Variants in STAT4 observed in about 807,000 individuals in gnomAD.
The protein encoded by STAT4 is signal transducer and activator of transcription 4.
A neutral mutation model predicts 110.5 loss-of-function variants in STAT4; 42 were observed. That is an observed-to-expected ratio of 0.38 (90% CI 0.30 to 0.49). STAT4 has a LOEUF of 0.49. STAT4 is among the 20% of genes least tolerant of loss of function. STAT4 has a pLI of 0.95. For synonymous variants in STAT4, 284 were observed against 302.2 expected (o/e 0.94, Z 0.63); for missense variants, 632 against 887.9 (o/e 0.71, Z 3.66).
At chr2:191,075,807 AT>A (rs1379494287) in intron 4 of STAT4, among the ~76,000 whole-genome samples, 3 of 148,746 alleles carry the variant, frequency 2.0e-5, no homozygotes, top group Admixed American at 2.0e-4. Flanking sequence ...GCTGGAAAAG[AT>A]TCTTTAAAAA....
chr2:191,065,444 A>C (rs1206942055), intron 7 of STAT4, among the ~76,000 whole-genome samples: 1 of 152,218 alleles, frequency 6.6e-6, no homozygotes, highest in East Asian at 1.9e-4. Context: ...GTTAGAAGAT[A>C]TGAATTTCTG....
At chr2:191,148,250 G>C in intron 1 of STAT4, 46 bp from the exon 2 acceptor site, 2 of 1,578,710 alleles carry the variant, frequency 1.3e-6, no homozygotes, top group Non-Finnish European at 1.7e-6. Flanking sequence ...ATTGTTCATA[G>C]CCCTAGTACA....
Position 191,051,267 on chromosome 2 carries a change from G to A in STAT4, c.1251+3223C>T, listed in dbSNP as rs1172385653. Among the ~76,000 whole-genome samples the A allele has an allele frequency of 6.6e-6, 1 of 152,178 alleles. No homozygotes were observed. On this transcript the variant is annotated intron_variant, in intron 14 of 23. Transcript: ENST00000392320. The surrounding 1 kb of genome is among the most constrained non-coding windows in gnomAD (Gnocchi z 5.6). The stretch of plus-strand genomic sequence containing the variant: ...GCAGTTGTCTGAAGTTAGGTATCAC[G>A]TTTTAGAGCCCAGTTTTCCCATCTG...
intron 3 of STAT4, among the ~76,000 whole-genome samples, chr2:191,139,243 G>C (rs1392205339): frequency 6.6e-6 from 1 of 151,526 alleles, no homozygotes; most frequent in Non-Finnish European, 1.5e-5. Context: ...TGGAAGTCCT[G>C]GCCAGAGCAA....
At position 191,031,656 on chromosome 2, in the gene STAT4, T is replaced by C; in HGVS notation, c.2045-140A>G. The C allele has an allele frequency of 1.5e-6, 1 of 660,810 alleles. No individual in the cohort carries two copies. Among genetic ancestry groups the C allele is most frequent in the Non-Finnish European group, 2.6e-6 (1 of 383,860 alleles). The allele number at this position is 660,810 out of a possible 1,614,324, so 40.9% of individuals were successfully genotyped here. On this transcript the variant is annotated intron_variant, in intron 21 of 23. Coordinates refer to ENST00000392320, the MANE Select transcript of STAT4 (RefSeq NM_003151.4). This position sits in a 1 kb window ranked among gnomAD's most constrained non-coding sequence, Gnocchi z 4.8. ...AGTTGTTCGGTGATACACAGAAATG[T>C]TTTGTTAAATAGGGGACACAATCTT...
chr2:191,047,347 G>A (rs1203631321), intron 14 of STAT4, among the ~76,000 whole-genome samples: 1 of 152,212 alleles, frequency 6.6e-6, no homozygotes, highest in East Asian at 1.9e-4. Context: ...AACCTGAGGA[G>A]GGAATTGTGG....
intron 3 of STAT4, among the ~76,000 whole-genome samples, chr2:191,088,570 G>T (rs1259657494): frequency 6.6e-6 from 1 of 152,054 alleles, no homozygotes; most frequent in Non-Finnish European, 1.5e-5. Context: ...TTATTTTCTG[G>T]ATAATGACTA....
In STAT4 at chr2:191,048,818, A is replaced by G. The variant is rs866407313; in HGVS notation, c.1251+5672T>C. Among the ~76,000 whole-genome samples the G allele has an allele frequency of 3.6e-3, 411 of 114,700 alleles. 3 individuals are homozygous for G. Among genetic ancestry groups the G allele is most frequent in the Middle Eastern group, 0.02 (4 of 198 alleles). 75.2% of individuals were successfully genotyped at this position (114,700 alleles called of 152,430 possible). The stretch of plus-strand genomic sequence containing the variant: ...AAAAAAAAAAAAAAAAAAAAAAAAA[A>G]GATGCACCATTAATGTTTGTATCAA... On this transcript the variant is annotated intron_variant, in intron 14 of 23. Transcript: ENST00000392320.
chr2:191,144,959 A>G lies in STAT4; in HGVS notation c.273+1654T>C, dbSNP rs1477522982. The stretch of plus-strand genomic sequence containing the variant: ...TTTTAACCCAGACCTTCTTGGTTCC[A>G]AAGACCATGCATCATCTATTAATAT... On this transcript the variant is annotated intron_variant, in intron 3 of 23. Coordinates refer to ENST00000392320, the MANE Select transcript of STAT4 (RefSeq NM_003151.4). This position sits in a 1 kb window ranked among gnomAD's most constrained non-coding sequence, Gnocchi z 4.7. Among the ~76,000 whole-genome samples the G allele has an allele frequency of 6.6e-6, 1 of 152,208 alleles. No individual in the cohort carries two copies. The highest frequency in any genetic ancestry group is 1.5e-5 in the Non-Finnish European group (1 of 68,038).
intron 3 of STAT4, among the ~76,000 whole-genome samples, chr2:191,136,388 G>C (rs1270964321): frequency 6.6e-6 from 1 of 152,196 alleles, no homozygotes; most frequent in East Asian, 1.9e-4. Flanking sequence ...ATATTGCTGG[G>C]AGTCATAGCC....
At position 191,107,426 on chromosome 2, in the gene STAT4, G is replaced by A. The variant is rs1360170097; in HGVS notation, c.274-31101C>T. ...AAGCCCTTAATTGAATTGTCATTTG[G>A]TCCCCACAACAGCCCTATAGTAATG... On this transcript the variant is annotated intron_variant, in intron 3 of 23. Coordinates refer to ENST00000392320, the MANE Select transcript of STAT4 (RefSeq NM_003151.4). The surrounding 1 kb of genome is among the most constrained non-coding windows in gnomAD (Gnocchi z 4.2). Among the ~76,000 whole-genome samples, 1 of 152,058 alleles carries A rather than the reference G, an allele frequency of 6.6e-6. No homozygotes were observed. Among genetic ancestry groups the A allele is most frequent in the Non-Finnish European group, 1.5e-5 (1 of 68,006 alleles).
chr2:191,098,465 G>T (rs1480586818), intron 3 of STAT4, among the ~76,000 whole-genome samples: 2 of 152,168 alleles, frequency 1.3e-5, no homozygotes, highest in Non-Finnish European at 2.9e-5. Context: ...CCTTTGCAGG[G>T]ACATGGATGA....
At chr2:191,047,050 G>A (rs959841002) in intron 14 of STAT4, among the ~76,000 whole-genome samples, 8 of 152,118 alleles carry the variant, frequency 5.3e-5, no homozygotes, top group African/African-American at 1.7e-4. Flanking sequence ...ACCTACAATG[G>A]CAAAGGTGAT....
At position 191,116,725 on chromosome 2, in the gene STAT4, G is replaced by C. The variant is rs1228887828; in HGVS notation, c.273+29888C>G. Among the ~76,000 whole-genome samples the C allele has an allele frequency of 6.6e-6, 1 of 152,050 alleles. No individual in the cohort carries two copies. Among genetic ancestry groups the C allele is most frequent in the African/African-American group, 2.4e-5 (1 of 41,400 alleles). ...GGTTCATCACATACCTCATGGGCAGGAGACACCTCTGTCTTACTGCCTGTT... is the reference window on the plus strand; with the variant it reads ...GGTTCATCACATACCTCATGGGCAGCAGACACCTCTGTCTTACTGCCTGTT... On this transcript the variant is annotated intron_variant, in intron 3 of 23. Transcript: ENST00000392320. This position sits in a 1 kb window ranked among gnomAD's most constrained non-coding sequence, Gnocchi z 4.1.
Position 191,030,976 on chromosome 2 carries a change from G to A in STAT4, c.2216C>T (p.Thr739Ile). 6.2e-7 allele frequency: 1 copy of A among 1,613,406 alleles called. No homozygotes were observed. The highest frequency in any genetic ancestry group is 8.5e-7 in the Non-Finnish European group (1 of 1,179,344). ...TGGAAAATAAAGGGAACATACTGCAGTTTCAATTGTTGTGGGACTCAGGTT... is the reference window on the plus strand; with the variant it reads ...TGGAAAATAAAGGGAACATACTGCAATTTCAATTGTTGTGGGACTCAGGTT... ...RENLSPTTIE[T>I]AMKSPYSAE Residue 739 changes from threonine to isoleucine, a missense_variant, in exon 23 of 24, where the codon ACT (threonine) becomes ATT (isoleucine). This residue lies in a region of STAT4 where 32 missense variants were observed against 67.6 expected (regional missense o/e 0.47). Coordinates refer to ENST00000392320, the MANE Select transcript of STAT4 (RefSeq NM_003151.4). The surrounding 1 kb of genome is among the most constrained non-coding windows in gnomAD (Gnocchi z 4.4).
chr2:191,049,609 A>G (rs995721347), intron 14 of STAT4, among the ~76,000 whole-genome samples: 2 of 152,226 alleles, frequency 1.3e-5, no homozygotes, highest in African/African-American at 4.8e-5. Context: ...TCCCCCATGG[A>G]AAACTATGTG....
intron 6 of STAT4, chr2:191,068,474 A>C (rs1244820501): frequency 6.6e-6 from 1 of 152,194 alleles, no homozygotes; most frequent in African/African-American, 2.4e-5. Context: ...TCTTAAGTAT[A>C]TCAGGAGAAG....
intron 3 of STAT4, among the ~76,000 whole-genome samples, chr2:191,115,764 T>C (rs777730696): frequency 6.6e-6 from 1 of 152,184 alleles, no homozygotes; most frequent in African/African-American, 2.4e-5. Flanking sequence ...TCCTCAGAAA[T>C]ACTGACTTTC....
chr2:191,131,021 G>T (rs1699022714), intron 3 of STAT4, among the ~76,000 whole-genome samples: 1 of 151,660 alleles, frequency 6.6e-6, no homozygotes, highest in Non-Finnish European at 1.5e-5. Context: ...AGTAAAATGA[G>T]GAAATAAGGC....
Sources: allele counts gnomAD v4.1 joint callset (sites outside exome capture counted in the v4.1 genomes callset), GRCh38; gene constraint gnomAD v4.1.1; regional missense constraint gnomAD v4.1.1; non-coding constraint Gnocchi (gnomAD v3.1); transcripts MANE v1.5; gene names NCBI Gene and HGNC (gene_info 2026-07-23, HGNC 2026-07-21).